The following PDE4D variants were observed in gnomAD, a reference collection of about 807,000 sequenced individuals.
The protein encoded by PDE4D is phosphodiesterase 4D, also known as 3',5'-cyclic-AMP phosphodiesterase 4D.
In PDE4D, 24 loss-of-function variants were observed where a neutral mutation model predicts 87.4. The ratio of observed to expected loss-of-function variants is 0.27; its 90% CI spans 0.20 to 0.39. PDE4D has a LOEUF of 0.39. Ranked by LOEUF, PDE4D falls within the 10% of genes least tolerant of loss-of-function variation. The pLI, the probability that PDE4D is intolerant of heterozygous loss-of-function variation, is 1.00. For missense variants in PDE4D, 714 were observed against 1,041.0 expected (o/e 0.69, Z 4.32); for synonymous variants, 384 against 383.2 (o/e 1.00, Z -0.02).
intron 1 of PDE4D, among the ~76,000 whole-genome samples, chr5:59,674,306 G>C (rs797007161): frequency 6.6e-6 from 1 of 152,100 alleles, no homozygotes; most frequent in Non-Finnish European, 1.5e-5. Flanking sequence ...GTTTTACCCT[G>C]TGGAAAGTTC....
chr5:59,798,584 A>G (rs184862159), intron 1 of PDE4D, among the ~76,000 whole-genome samples: 1 of 152,150 alleles, frequency 6.6e-6, no homozygotes, highest in Non-Finnish European at 1.5e-5. Flanking sequence ...GGTAGGAATG[A>G]AAGAAAAAAC....
chr5:59,786,597 G>A (rs1765202061), intron 1 of PDE4D, among the ~76,000 whole-genome samples: 1 of 152,152 alleles, frequency 6.6e-6, no homozygotes, highest in Admixed American at 6.5e-5. Context: ...TTTTAACAGG[G>A]ACTTTAGGCG....
At chr5:59,306,375 G>A (rs907950582) in intron 1 of PDE4D, among the ~76,000 whole-genome samples, 1 of 152,110 alleles carries the variant, frequency 6.6e-6, no homozygotes, top group Non-Finnish European at 1.5e-5. Context: ...GGAGCATTTA[G>A]GCCATTTACA....
intron 1 of PDE4D, among the ~76,000 whole-genome samples, chr5:59,257,943 A>G (rs1761284359): frequency 6.6e-6 from 1 of 151,920 alleles, no homozygotes; most frequent in Non-Finnish European, 1.5e-5. Flanking sequence ...TGTACAGAAA[A>G]CACCCCAGTC....
At chr5:59,599,262 C>A (rs561951268) in intron 1 of PDE4D, among the ~76,000 whole-genome samples, 9 of 142,566 alleles carry the variant, frequency 6.3e-5, no homozygotes, top group African/African-American at 2.4e-4. Context: ...GCTCTTGTTG[C>A]CCAGGCTGGA....
At chr5:59,562,672 AGTTAG>A (rs1371480452) in intron 1 of PDE4D, among the ~76,000 whole-genome samples, 1 of 152,236 alleles carries the variant, frequency 6.6e-6, no homozygotes, top group African/African-American at 2.4e-5. Flanking sequence ...ATATATACCT[AGTTAG>A]GTTGAGTCAT....
chr5:59,039,258 G>A (rs1759166368), intron 5 of PDE4D: 2 of 1,204,766 alleles, frequency 1.7e-6, no homozygotes, highest in African/African-American at 1.6e-5. Context: ...ACAGCGACGC[G>A]AGCGGAAAAA....
At chr5:60,248,064 G>T (rs1748002934) in intron 1 of PDE4D, among the ~76,000 whole-genome samples, 1 of 152,126 alleles carries the variant, frequency 6.6e-6, no homozygotes, top group Admixed American at 6.6e-5. Flanking sequence ...CAACTTGATA[G>T]AATATGACAG....
chr5:59,532,298 C>A (rs190984582), intron 1 of PDE4D, among the ~76,000 whole-genome samples: 14 of 152,194 alleles, frequency 9.2e-5, no homozygotes, highest in Admixed American at 7.9e-4. Flanking sequence ...CCACCATGCC[C>A]AGCTAATTTC....
intron 2 of PDE4D, among the ~76,000 whole-genome samples, chr5:59,997,186 A>G (rs1204196951): frequency 3.9e-5 from 6 of 152,178 alleles, no homozygotes; most frequent in African/African-American, 1.4e-4. Context: ...AAAAAAAATA[A>G]GGAAAAACAT....
rs202079668 is a variant in PDE4D, at chr5:59,878,586, T to C, written c.455+14582A>G. Among the ~76,000 whole-genome samples the C allele has an allele frequency of 3.3e-5, 5 of 152,338 alleles. No homozygotes were observed. The East Asian group carries it at 9.7e-4, about 29-fold the overall frequency. The stretch of plus-strand genomic sequence containing the variant: ...CCTCGGCCTCCCAAAGTGCTGAGAT[T>C]ACAGGTATGAGCAACCATGCCTGGC... On this transcript the variant is annotated intron_variant, in intron 1 of 14. Transcript: ENST00000340635.
At chr5:59,863,523 T>G (rs937776425) in intron 1 of PDE4D, among the ~76,000 whole-genome samples, 14 of 152,198 alleles carry the variant, frequency 9.2e-5, no homozygotes, top group African/African-American at 2.9e-4. Flanking sequence ...AACTTCAGTT[T>G]GAAAAGAATA....
intron 1 of PDE4D, among the ~76,000 whole-genome samples, chr5:60,188,975 T>G (rs532560015): frequency 3.0e-4 from 46 of 152,218 alleles, no homozygotes; most frequent in Non-Finnish European, 6.6e-4. Flanking sequence ...ATGAAAAGGT[T>G]GACTCTCAGG....
chr5:59,088,836 T>C lies in PDE4D; in HGVS notation c.809-49865A>G, dbSNP rs539354279. ...AGGATCAGGAAAATCAACTAATGGGTATTAGGTGTAATATGTGGGTGATGA... is the reference window on the plus strand; with the variant it reads ...AGGATCAGGAAAATCAACTAATGGGCATTAGGTGTAATATGTGGGTGATGA... On this transcript the variant is annotated intron_variant, in intron 5 of 14. Transcript: ENST00000340635. Among the ~76,000 whole-genome samples the C allele has an allele frequency of 1.0e-3, 155 of 152,230 alleles. 1 individual carries two copies. The highest frequency in any genetic ancestry group is 3.6e-3 in the African/African-American group (150 of 41,552).
intron 1 of PDE4D, among the ~76,000 whole-genome samples, chr5:59,286,723 C>T (rs1344958619): frequency 1.3e-5 from 2 of 152,174 alleles, no homozygotes; most frequent in East Asian, 1.9e-4. Flanking sequence ...TGCACACTCA[C>T]ATTCCCTGGC....
At chr5:60,407,026 G>C (rs936280419) in intron 1 of PDE4D, among the ~76,000 whole-genome samples, 3 of 152,098 alleles carry the variant, frequency 2.0e-5, no homozygotes, top group African/African-American at 7.2e-5. Context: ...TAGGGATGAG[G>C]AATGAAAAAG....
intron 6 of PDE4D, among the ~76,000 whole-genome samples, chr5:59,002,885 C>T (rs1750830565): frequency 6.6e-6 from 1 of 152,008 alleles, no homozygotes; most frequent in African/African-American, 2.4e-5. Context: ...TTAAATGAGA[C>T]CATATATGCA....
chr5:59,257,898 G>T (rs1280947513), intron 1 of PDE4D, among the ~76,000 whole-genome samples: 1 of 151,928 alleles, frequency 6.6e-6, no homozygotes, highest in South Asian at 2.1e-4. Context: ...AAGGCCCCTG[G>T]GAAGACAGGC....
At chr5:59,672,487 T>C (rs983306475) in intron 1 of PDE4D, among the ~76,000 whole-genome samples, 3 of 152,178 alleles carry the variant, frequency 2.0e-5, no homozygotes, top group Non-Finnish European at 4.4e-5. Context: ...CCTCCTCAAA[T>C]CTCTGGATAT....
Sources: gnomAD v4.1 joint callset for allele counts (sites outside exome capture counted in the v4.1 genomes callset) on GRCh38, gnomAD v4.1.1 for gene constraint, MANE v1.5 for transcripts, NCBI Gene and HGNC (gene_info 2026-07-23, HGNC 2026-07-21) for gene names.